The following GABRB1 variants were observed in gnomAD, a reference collection of about 807,000 sequenced individuals.
GABRB1 encodes the protein gamma-aminobutyric acid receptor subunit beta-1.
GABRB1 carries 17 observed loss-of-function variants against 51.6 expected under a neutral mutation model. The observed-to-expected ratio is 0.33, with a 90% CI of 0.23 to 0.49. The LOEUF is 0.49. Among genes scored for constraint, GABRB1 ranks in the 20% least tolerant of loss-of-function variants. The probability of loss-of-function intolerance (pLI) is 0.99; values close to 1 mark genes in which losing one functional copy is unlikely to be tolerated. For missense variants in GABRB1, 410 were observed against 600.6 expected (o/e 0.68, Z 3.32); for synonymous variants, 247 against 218.9 (o/e 1.13, Z -1.14).
intron 3 of GABRB1, among the ~76,000 whole-genome samples, chr4:47,155,511 C>G (rs1717648987): frequency 6.6e-6 from 1 of 151,912 alleles, no homozygotes. Flanking sequence ...AGTGGATGCT[C>G]TATTACTAGA....
At chr4:47,153,032 G>A (rs1231939569) in intron 3 of GABRB1, among the ~76,000 whole-genome samples, 3 of 151,996 alleles carry the variant, frequency 2.0e-5, no homozygotes, top group Non-Finnish European at 4.4e-5. Context: ...AGTTTGAAGT[G>A]ACGGGAATTT....
chr4:47,343,546 C>T (rs949187690), intron 5 of GABRB1, among the ~76,000 whole-genome samples: 2 of 152,122 alleles, frequency 1.3e-5, no homozygotes, highest in African/African-American at 4.8e-5. Flanking sequence ...CTGTGAAAAT[C>T]CCCTGCAGAC....
chr4:47,385,964 A>G (rs533391754), intron 5 of GABRB1, among the ~76,000 whole-genome samples: 1 of 152,316 alleles, frequency 6.6e-6, no homozygotes, highest in Non-Finnish European at 1.5e-5. Flanking sequence ...GTGGGGGTGC[A>G]AAGCTTTCAT....
At chr4:47,401,837 TATC>T (rs1294738455) in intron 5 of GABRB1, among the ~76,000 whole-genome samples, 2 of 36,348 alleles carry the variant, frequency 5.5e-5, no homozygotes, top group African/African-American at 5.7e-4. Flanking sequence ...TCTATCTATC[TATC>T]ATCTATCTAT....
At chr4:47,333,194 TTATATATATATATATA>T (rs1162712786) in intron 5 of GABRB1, among the ~76,000 whole-genome samples, 4 of 113,222 alleles carry the variant, frequency 3.5e-5, no homozygotes, top group African/African-American at 1.3e-4. Context: ...CCCATTTTAT[TTATATATATATATATA>T]TATATATATA....
In GABRB1 at chr4:47,354,980, GTT is replaced by G. The variant is rs71195627; in HGVS notation, c.544+34795_544+34796del. On this transcript the variant is annotated intron_variant, in intron 5 of 8. Transcript: ENST00000295454. ...CCTTCCTTTCTTTCTTTCTTCCTTTGTTTTTTTTTTTTTTTTTTTTTTTTTGA... is the reference window on the plus strand; with the variant it reads ...CCTTCCTTTCTTTCTTTCTTCCTTTGTTTTTTTTTTTTTTTTTTTTTTTGA... Among the ~76,000 whole-genome samples, 427 of 44,194 alleles carry G rather than the reference GTT, an allele frequency of 9.7e-3. 6 individuals carry two copies. The highest frequency in any genetic ancestry group is 0.04 in the African/African-American group (403 of 10,162). The allele number at this position is 44,194 out of a possible 152,430, so 29.0% of individuals were successfully genotyped here.
At chr4:47,063,907 G>A (rs1418574092) in intron 3 of GABRB1, among the ~76,000 whole-genome samples, 3 of 152,086 alleles carry the variant, frequency 2.0e-5, no homozygotes, top group Admixed American at 6.5e-5. Flanking sequence ...CTGGGGGAGA[G>A]CATTAGAGAA....
intron 8 of GABRB1, among the ~76,000 whole-genome samples, chr4:47,417,962 C>A (rs1040447482): frequency 4.6e-5 from 7 of 152,268 alleles, no homozygotes; most frequent in African/African-American, 1.7e-4. Context: ...CAGCCTAAGG[C>A]ACTCATTGAG....
chr4:47,319,050 G>A (rs1724979353), intron 4 of GABRB1, among the ~76,000 whole-genome samples: 1 of 152,076 alleles, frequency 6.6e-6, no homozygotes, highest in Non-Finnish European at 1.5e-5. Flanking sequence ...GATGCATCAT[G>A]AATTTGCTTC....
intron 3 of GABRB1, among the ~76,000 whole-genome samples, chr4:47,107,680 G>C (rs1224283854): frequency 6.6e-6 from 1 of 152,026 alleles, no homozygotes; most frequent in Non-Finnish European, 1.5e-5. Context: ...TAAGCCCTTA[G>C]AACAGTGTTT....
At chr4:47,375,205 G>T (rs1428973521) in intron 5 of GABRB1, among the ~76,000 whole-genome samples, 1 of 152,194 alleles carries the variant, frequency 6.6e-6, no homozygotes, top group Non-Finnish European at 1.5e-5. Context: ...ATCATTAAAA[G>T]ATTTCAAGCT....
intron 1 of GABRB1, among the ~76,000 whole-genome samples, chr4:47,007,458 T>A (rs1161224798): frequency 6.6e-6 from 1 of 152,040 alleles, no homozygotes; most frequent in Non-Finnish European, 1.5e-5. Context: ...AACAAACAGG[T>A]GAAAAATGTA....
chr4:47,130,181 C>G (rs1423414538), intron 3 of GABRB1, among the ~76,000 whole-genome samples: 2 of 152,252 alleles, frequency 1.3e-5, no homozygotes, highest in East Asian at 3.9e-4. Context: ...TCATGTCACT[C>G]TCCTGCTTAA....
intron 3 of GABRB1, among the ~76,000 whole-genome samples, chr4:47,151,322 A>G (rs1162727190): frequency 6.6e-6 from 1 of 152,058 alleles, no homozygotes; most frequent in African/African-American, 2.4e-5. Flanking sequence ...AATTATTCCT[A>G]TAGATTTCTC....
intron 4 of GABRB1, among the ~76,000 whole-genome samples, chr4:47,295,044 G>T (rs951816114): frequency 6.6e-6 from 1 of 152,148 alleles, no homozygotes; most frequent in Non-Finnish European, 1.5e-5. Flanking sequence ...TGCAGCTGAG[G>T]GTCTTGTCTG....
At chr4:47,059,968 C>T (rs1726778978) in intron 3 of GABRB1, among the ~76,000 whole-genome samples, 1 of 152,172 alleles carries the variant, frequency 6.6e-6, no homozygotes, top group South Asian at 2.1e-4. Flanking sequence ...TTTCTAATTT[C>T]TGTCAGTGGT....
upstream of GABRB1, among the ~76,000 whole-genome samples, chr4:47,030,960 G>A (rs937026787): frequency 1.3e-5 from 2 of 152,096 alleles, no homozygotes; most frequent in Non-Finnish European, 2.9e-5. Flanking sequence ...AGAAAAGTGG[G>A]GTGGAAGAAA....
At chr4:47,324,284 G>T (rs751523049) in intron 5 of GABRB1, among the ~76,000 whole-genome samples, 9 of 152,072 alleles carry the variant, frequency 5.9e-5, no homozygotes, top group Admixed American at 2.6e-4. Flanking sequence ...GGCTGGCCCT[G>T]CCCGCTGTGC....
At chr4:47,288,269 ATTG>A (rs1304521914) in intron 4 of GABRB1, among the ~76,000 whole-genome samples, 1 of 143,158 alleles carries the variant, frequency 7.0e-6, no homozygotes. Context: ...TATTATTATT[ATTG>A]TTATTATTAA....
Sources: allele counts gnomAD v4.1 joint callset (sites outside exome capture counted in the v4.1 genomes callset), GRCh38; gene constraint gnomAD v4.1.1; transcripts MANE v1.5; gene names NCBI Gene and HGNC (gene_info 2026-07-23, HGNC 2026-07-21).